DGKI: variants seen among roughly 807,000 people sequenced by gnomAD.
DGKI encodes DAG kinase iota.
DGKI carries 55 observed loss-of-function variants against 147.5 expected under a neutral mutation model. The observed-to-expected ratio is 0.37, with a 90% CI of 0.30 to 0.47. The LOEUF (loss-of-function observed/expected upper bound fraction) is 0.47. Ranked by LOEUF, DGKI falls within the 20% of genes least tolerant of loss-of-function variation. The probability of loss-of-function intolerance (pLI) is 1.00; values close to 1 mark genes in which losing one functional copy is unlikely to be tolerated. For missense variants in DGKI, 1,007 were observed against 1,323.8 expected (o/e 0.76, Z 3.71); for synonymous variants, 469 against 477.1 (o/e 0.98, Z 0.22).
chr7:137,559,204 T>G (rs1818332414), intron 19 of DGKI, among the ~76,000 whole-genome samples: 3 of 147,470 alleles, frequency 2.0e-5, no homozygotes, highest in South Asian at 4.4e-4. Flanking sequence ...CCCAAGTAGC[T>G]GGGACTACAG....
chr7:137,401,127 T>C (rs1250494848), intron 30 of DGKI, among the ~76,000 whole-genome samples: 1 of 152,212 alleles, frequency 6.6e-6, no homozygotes, highest in Non-Finnish European at 1.5e-5. Context: ...GGAGTTTAAC[T>C]GTACCCTGTG....
chr7:137,747,860 G>A (rs759997379), intron 1 of DGKI, among the ~76,000 whole-genome samples: 20 of 152,206 alleles, frequency 1.3e-4, no homozygotes, highest in South Asian at 2.1e-4. Context: ...GACTTTGTGT[G>A]AGCAAGAAAC....
At position 137,656,448 on chromosome 7, in the gene DGKI, C is replaced by T. The variant is rs767205904; in HGVS notation, c.681+18G>A. ...TACTTGCAATGTAACAAAACTGCAGCAGGGGGCGCGCTCTTACCTTTTCTA... is the reference window on the plus strand; with the variant it reads ...TACTTGCAATGTAACAAAACTGCAGTAGGGGGCGCGCTCTTACCTTTTCTA... On this transcript the variant is annotated intron_variant, in intron 4 of 32. Coordinates refer to ENST00000614521, the MANE Select transcript of DGKI (RefSeq NM_001321708.2). 2.5e-6 allele frequency: 4 copies of T among 1,613,330 alleles called. No homozygotes were observed. Among genetic ancestry groups the T allele is most frequent in the African/African-American group, 2.7e-5 (2 of 74,854 alleles).
intron 1 of DGKI, among the ~76,000 whole-genome samples, chr7:137,765,335 T>C (rs950714229): frequency 6.6e-6 from 1 of 152,234 alleles, no homozygotes; most frequent in Non-Finnish European, 1.5e-5. Flanking sequence ...TTTATCCCTT[T>C]GAAATGTCAT....
intron 6 of DGKI, among the ~76,000 whole-genome samples, chr7:137,625,422 T>A (rs1820899508): frequency 6.6e-6 from 1 of 151,880 alleles, no homozygotes; most frequent in Non-Finnish European, 1.5e-5. Context: ...ATCGTGCTAC[T>A]GCCCCCTAGC....
At chr7:137,832,096 C>A (rs1798236919) in intron 1 of DGKI, among the ~76,000 whole-genome samples, 2 of 152,200 alleles carry the variant, frequency 1.3e-5, no homozygotes, top group African/African-American at 4.8e-5. Flanking sequence ...GGGTATAGCC[C>A]CTCTCCTGGC....
At chr7:137,663,914 A>G (rs957366613) in intron 3 of DGKI, among the ~76,000 whole-genome samples, 8 of 140,760 alleles carry the variant, frequency 5.7e-5, no homozygotes, top group African/African-American at 2.6e-4. Flanking sequence ...CTCCCTCCCC[A>G]CTTAACCCTC....
intron 23 of DGKI, among the ~76,000 whole-genome samples, chr7:137,481,511 T>G (rs755375741): frequency 5.9e-5 from 9 of 152,124 alleles, no homozygotes; most frequent in Non-Finnish European, 1.0e-4. Context: ...GCTATTAGGA[T>G]GGAGGGGCCT....
At chr7:137,717,688 T>A (rs1004587384) in intron 1 of DGKI, among the ~76,000 whole-genome samples, 2 of 152,070 alleles carry the variant, frequency 1.3e-5, no homozygotes, top group Non-Finnish European at 2.9e-5. Flanking sequence ...TAAAAATTAA[T>A]GAAAAGAGGA....
chr7:137,650,680 A>C (rs1821994260), intron 5 of DGKI, among the ~76,000 whole-genome samples: 1 of 152,202 alleles, frequency 6.6e-6, no homozygotes, highest in Admixed American at 6.5e-5. Flanking sequence ...TGCAACCCCA[A>C]AGATGGCCCT....
intron 20 of DGKI, among the ~76,000 whole-genome samples, chr7:137,542,691 G>A (rs925747496): frequency 6.6e-6 from 1 of 152,144 alleles, no homozygotes; most frequent in Admixed American, 6.6e-5. Flanking sequence ...GTGGTTATAT[G>A]AATCTCTATA....
intron 6 of DGKI, among the ~76,000 whole-genome samples, chr7:137,632,845 C>G (rs1460927036): frequency 1.3e-5 from 2 of 149,056 alleles, no homozygotes; most frequent in Admixed American, 6.7e-5. Flanking sequence ...GGTGACAAAA[C>G]AAGACTCTGT....
At chr7:137,411,658 T>C (rs540743065) in intron 29 of DGKI, among the ~76,000 whole-genome samples, 1 of 152,292 alleles carries the variant, frequency 6.6e-6, no homozygotes, top group East Asian at 1.9e-4. Context: ...TGGTGACCGC[T>C]TCCTTCCTTC....
chr7:137,593,340 G>A (rs892376680), intron 12 of DGKI, among the ~76,000 whole-genome samples: 2 of 152,208 alleles, frequency 1.3e-5, no homozygotes, highest in Non-Finnish European at 2.9e-5. Context: ...ACAGCCATTA[G>A]GAGTTGAATA....
At chr7:137,527,161 G>T (rs1022425657) in intron 20 of DGKI, among the ~76,000 whole-genome samples, 1 of 152,194 alleles carries the variant, frequency 6.6e-6, no homozygotes, top group Non-Finnish European at 1.5e-5. Flanking sequence ...ACTGATAATA[G>T]AAATGTAGTG....
rs186994286 is a variant in DGKI, at chr7:137,520,871, C to T, written c.2248+995G>A. On this transcript the variant is annotated intron_variant, in intron 21 of 32. Transcript: ENST00000614521. Reference sequence around the variant, plus strand: ...AACCAGAGCTCAGAAAAGACCATCCCAGGAAGGCTTTCCTACTATTAATCC... The same window carrying T: ...AACCAGAGCTCAGAAAAGACCATCCTAGGAAGGCTTTCCTACTATTAATCC... Among the ~76,000 whole-genome samples the T allele has an allele frequency of 4.3e-4, 66 of 152,146 alleles. No homozygotes were observed. The East Asian group carries it at 0.012, about 27-fold the overall frequency.
At chr7:137,520,218 T>C (rs972770171) in intron 21 of DGKI, among the ~76,000 whole-genome samples, 2 of 152,088 alleles carry the variant, frequency 1.3e-5, no homozygotes, top group South Asian at 2.1e-4. Flanking sequence ...CCACTCCAAA[T>C]TGAATTTCTT....
intron 6 of DGKI, among the ~76,000 whole-genome samples, chr7:137,627,391 GT>G (rs1279603702): frequency 1.1e-4 from 16 of 152,212 alleles, no homozygotes; most frequent in African/African-American, 3.6e-4. Flanking sequence ...AACTGGCATA[GT>G]TCTTTGAACA....
At chr7:137,844,106 C>T (rs1293163257) in intron 1 of DGKI, among the ~76,000 whole-genome samples, 2 of 152,142 alleles carry the variant, frequency 1.3e-5, no homozygotes, top group Non-Finnish European at 2.9e-5. Flanking sequence ...TCTTTTTTTA[C>T]ACACCCTTCA....
Sources: allele counts gnomAD v4.1 joint callset (sites outside exome capture counted in the v4.1 genomes callset), GRCh38; gene constraint gnomAD v4.1.1; transcripts MANE v1.5; gene names NCBI Gene and HGNC (gene_info 2026-07-23, HGNC 2026-07-21).